PLD5: variants seen among roughly 807,000 people sequenced by gnomAD.
PLD5 encodes inactive phospholipase D5.
PLD5 carries 36 observed loss-of-function variants against 61.1 expected under a neutral mutation model. The observed-to-expected ratio is 0.59, with a 90% confidence interval of 0.45 to 0.78. The LOEUF is 0.78. PLD5 is among the 30% of genes least tolerant of loss of function. The pLI is 0.00. For synonymous variants in PLD5, 243 were observed against 242.8 expected (o/e 1.00, Z -0.01); for missense variants, 515 against 644.4 (o/e 0.80, Z 2.17).
rs1361301346 is a variant in PLD5 at position 242,481,715 on chromosome 1, T to C, written c.189+42373A>G. Among the ~76,000 whole-genome samples the C allele has an allele frequency of 3.9e-5, 6 of 152,304 alleles. No individual in the cohort carries two copies. In the East Asian group the frequency reaches 1.2e-3, roughly 29 times the overall value. Reference sequence around the variant, plus strand: ...TTGACAGCTTTGAAGACAGTAGTGGTTCTCCCAGCACAGAGCTTGAGATCT... The same window carrying C: ...TTGACAGCTTTGAAGACAGTAGTGGCTCTCCCAGCACAGAGCTTGAGATCT... On this transcript the variant is annotated intron_variant, in intron 1 of 9. Coordinates refer to ENST00000536534, the MANE Select transcript of PLD5 (RefSeq NM_001372062.1).
intron 1 of PLD5, among the ~76,000 whole-genome samples, chr1:242,354,908 A>G (rs2266317): frequency 5.3e-5 from 8 of 152,056 alleles, no homozygotes; most frequent in African/African-American, 1.4e-4. Flanking sequence ...TTTTCTGTCA[A>G]TGTGGTGTAT....
At chr1:242,253,189 C>T (rs1297536068) in intron 4 of PLD5, among the ~76,000 whole-genome samples, 1 of 142,600 alleles carries the variant, frequency 7.0e-6, no homozygotes, top group Non-Finnish European at 1.5e-5. Context: ...TGGATCATAG[C>T]TCACCGATCA....
intron 3 of PLD5, among the ~76,000 whole-genome samples, chr1:242,285,765 A>G (rs563905380): frequency 1.1e-4 from 16 of 152,078 alleles, no homozygotes; most frequent in Non-Finnish European, 1.9e-4. Flanking sequence ...TTCTATAGTA[A>G]CTATAGAAGT....
At chr1:242,288,743 C>T (rs1265466367) in intron 2 of PLD5, among the ~76,000 whole-genome samples, 2 of 152,172 alleles carry the variant, frequency 1.3e-5, no homozygotes, top group Non-Finnish European at 2.9e-5. Context: ...CTCTATTTTT[C>T]CATAGTTAGC....
intron 4 of PLD5, among the ~76,000 whole-genome samples, chr1:242,260,628 AT>A (rs1171615474): frequency 6.6e-6 from 1 of 152,250 alleles, no homozygotes; most frequent in Non-Finnish European, 1.5e-5. Context: ...AAGCCTTGAT[AT>A]TTATAAAACA....
At chr1:242,392,441 T>C (rs1053161131) in intron 1 of PLD5, among the ~76,000 whole-genome samples, 3 of 152,204 alleles carry the variant, frequency 2.0e-5, no homozygotes, top group African/African-American at 7.2e-5. Flanking sequence ...AAAAGGCGAA[T>C]GTAAGCTTTC....
chr1:242,477,327 T>C (rs1449342120), intron 1 of PLD5, among the ~76,000 whole-genome samples: 1 of 152,120 alleles, frequency 6.6e-6, no homozygotes, highest in Non-Finnish European at 1.5e-5. Context: ...TGTTGTTAGC[T>C]GAGTTTTAAG....
At chr1:242,408,667 C>G (rs1469864419) in intron 1 of PLD5, among the ~76,000 whole-genome samples, 1 of 152,200 alleles carries the variant, frequency 6.6e-6, no homozygotes. Context: ...CAGGTACAGC[C>G]TGCAGAACTG....
chr1:242,296,679 C>G (rs1203490896), intron 2 of PLD5, among the ~76,000 whole-genome samples: 1 of 152,164 alleles, frequency 6.6e-6, no homozygotes, highest in African/African-American at 2.4e-5. Flanking sequence ...GAAAGAATAC[C>G]AGCAAGAGCT....
At chr1:242,520,990 A>C (rs1669261623) in intron 1 of PLD5, among the ~76,000 whole-genome samples, 1 of 152,268 alleles carries the variant, frequency 6.6e-6, no homozygotes, top group African/African-American at 2.4e-5. Flanking sequence ...ATTATGAAGC[A>C]GAACAGGAAA....
At chr1:242,377,417 C>T in intron 1 of PLD5, 7 of 1,003,902 alleles carry the variant, frequency 7.0e-6, no homozygotes, top group Non-Finnish European at 9.2e-6. Flanking sequence ...GACTGGGGAC[C>T]TTGGTGTCTT....
At chr1:242,328,293 GTATGTT>G (rs1558468853) in intron 2 of PLD5, among the ~76,000 whole-genome samples, 1 of 151,024 alleles carries the variant, frequency 6.6e-6, no homozygotes, top group Admixed American at 6.6e-5. Context: ...ATATATGTAT[GTATGTT>G]CTACATATAT....
At chr1:242,461,968 T>G (rs901142726) in intron 1 of PLD5, among the ~76,000 whole-genome samples, 2 of 152,266 alleles carry the variant, frequency 1.3e-5, no homozygotes, top group African/African-American at 4.8e-5. Context: ...TTCTGGATTT[T>G]GGGCCTTTGT....
At chr1:242,307,790 C>T (rs61388741) in intron 2 of PLD5, among the ~76,000 whole-genome samples, 2,161 of 152,030 alleles carry the variant, frequency 0.014, 55 homozygotes, top group African/African-American at 0.049. Context: ...TGATTGTCAC[C>T]ACCAATAATT....
At chr1:242,463,669 A>G (rs939792794) in intron 1 of PLD5, among the ~76,000 whole-genome samples, 1 of 152,074 alleles carries the variant, frequency 6.6e-6, no homozygotes, top group African/African-American at 2.4e-5. Flanking sequence ...CCAAGAATGA[A>G]CTGGCCACAC....
chr1:242,494,792 A>G (rs2102982426), intron 1 of PLD5, among the ~76,000 whole-genome samples: 1 of 151,778 alleles, frequency 6.6e-6, no homozygotes, highest in South Asian at 2.1e-4. Context: ...TCTTGATATA[A>G]CTCATGGTCT....
chr1:242,335,693 C>G (rs914152579), intron 2 of PLD5, among the ~76,000 whole-genome samples: 10 of 152,286 alleles, frequency 6.6e-5, no homozygotes, highest in Non-Finnish European at 1.2e-4. Context: ...AGCCCTGATT[C>G]ATCTTATAGA....
chr1:242,399,333 T>G (rs1379587321), intron 1 of PLD5, among the ~76,000 whole-genome samples: 1 of 152,198 alleles, frequency 6.6e-6, no homozygotes, highest in Non-Finnish European at 1.5e-5. Context: ...TCTCATGCAT[T>G]CAACATAAAC....
intron 4 of PLD5, among the ~76,000 whole-genome samples, chr1:242,225,290 C>T (rs1427026760): frequency 1.3e-5 from 2 of 151,882 alleles, no homozygotes; most frequent in African/African-American, 4.8e-5. Flanking sequence ...ATGCACCACA[C>T]ATAACGCATG....
Sources: gnomAD v4.1 joint callset for allele counts (sites outside exome capture counted in the v4.1 genomes callset) on GRCh38, gnomAD v4.1.1 for gene constraint, MANE v1.5 for transcripts, NCBI Gene and HGNC (gene_info 2026-07-23, HGNC 2026-07-21) for gene names.